COL4A3: variants seen among roughly 807,000 people sequenced by gnomAD.
The protein encoded by COL4A3 is collagen type IV alpha 3 chain.
In COL4A3, 135 loss-of-function variants were observed where a neutral mutation model predicts 217.4. The ratio of observed to expected loss-of-function variants is 0.62; its 90% CI spans 0.54 to 0.72. The LOEUF (loss-of-function observed/expected upper bound fraction) is 0.72. Among genes scored for constraint, COL4A3 ranks in the 30% least tolerant of loss-of-function variants. The pLI, the probability that COL4A3 is intolerant of heterozygous loss-of-function variation, is 0.00. For missense variants in COL4A3, 1,868 were observed against 2,119.9 expected (o/e 0.88, Z 2.33); for synonymous variants, 690 against 736.3 (o/e 0.94, Z 1.02).
intron 15 of COL4A3, 74 bp from the exon 16 acceptor site, chr2:227,255,952 C>A (rs2070139172): frequency 1.4e-6 from 2 of 1,441,488 alleles, no homozygotes; most frequent in Non-Finnish European, 1.9e-6. Flanking sequence ...ATGATCATAT[C>A]ACTTAAGATT....
In COL4A3 at chr2:227,311,912, A is replaced by G; in HGVS notation, c.*42A>G. On this transcript the variant is annotated 3_prime_UTR_variant, in exon 52 of 52. Transcript: ENST00000396578. ...AGAACTGCTATTTTTCATCCTAAAG[A>G]ACAAAGTAATGACAGAACATGCTGT... 6.2e-7 allele frequency: 1 copy of G among 1,611,894 alleles called. No individual in the cohort carries two copies. The highest frequency in any genetic ancestry group is 1.1e-5 in the South Asian group (1 of 90,794).
Position 227,307,805 on chromosome 2 carries a change from C to T in COL4A3, c.4348C>T (p.Arg1450Ter), listed in dbSNP as rs1189607438. ...GACAACGAGAGGCTTTGTCTTCACCCGACACAGTCAAACCACAGCAATTCC... is the reference window on the plus strand; with the variant it reads ...GACAACGAGAGGCTTTGTCTTCACCTGACACAGTCAAACCACAGCAATTCC... ...TWTTRGFVFT[R>*]HSQTTAIPSC... The change falls in exon 48 of 52, where the codon CGA (arginine) becomes TGA (stop). Residue 1450 changes from arginine to a stop codon, truncating the protein, a stop_gained. Transcript: ENST00000396578. LOFTEE classifies it high-confidence loss of function. The T allele has an allele frequency of 5.0e-6, 8 of 1,613,944 alleles. No homozygotes were observed. Among genetic ancestry groups the T allele is most frequent in the Admixed American group, 3.3e-5 (2 of 59,990 alleles).
At chr2:227,298,239 C>CA (rs1480118488) in intron 42 of COL4A3, among the ~76,000 whole-genome samples, 1 of 152,060 alleles carries the variant, frequency 6.6e-6, no homozygotes, top group African/African-American at 2.4e-5. Flanking sequence ...GTAATACCGG[C>CA]AACTCAGGAG....
chr2:227,277,336 A>C (rs1028348557), intron 27 of COL4A3, 113 bp from the exon 28 acceptor site: 28 of 742,114 alleles, frequency 3.8e-5, no homozygotes, highest in Non-Finnish European at 5.7e-5. Context: ...AAAAAAAAAA[A>C]AAAACAATGT....
chr2:227,269,966 C>A lies in COL4A3; in HGVS notation c.1561C>A (p.Leu521Ile). ...CCCAGGGTCCCCAGGAAATACAGGT[C>A]TTCCAGGATTTCCAGTAAGATTTCA... ...GSPGSPGNTG[L>I]PGFPGFPGAQ... Residue 521 changes from leucine (L) to isoleucine (I), a missense_variant, in exon 24 of 52, where the codon CTT becomes ATT. Transcript: ENST00000396578. 2 of 1,613,496 alleles carry A rather than the reference C, an allele frequency of 1.2e-6. No individual in the cohort carries two copies. Among genetic ancestry groups the A allele is most frequent in the Non-Finnish European group, 1.7e-6 (2 of 1,179,530 alleles).
intron 1 of COL4A3, among the ~76,000 whole-genome samples, chr2:227,202,502 T>C (rs1331761400): frequency 6.6e-6 from 1 of 151,026 alleles, no homozygotes; most frequent in Admixed American, 6.6e-5. Flanking sequence ...CCCAGCACTT[T>C]GGGAGGCCGA....
chr2:227,186,752 G>C (rs2066047052), intron 1 of COL4A3, among the ~76,000 whole-genome samples: 2 of 152,002 alleles, frequency 1.3e-5, no homozygotes, highest in Admixed American at 1.3e-4. Flanking sequence ...GAATAGAAAA[G>C]GTTTTTGTCT....
intron 1 of COL4A3, among the ~76,000 whole-genome samples, chr2:227,172,848 A>G (rs2065540896): frequency 6.6e-6 from 1 of 151,974 alleles, no homozygotes; most frequent in African/African-American, 2.4e-5. Flanking sequence ...CTGCCTCCCA[A>G]AGGGCTGGGA....
At chr2:227,277,115 C>A (rs774675586) in intron 27 of COL4A3, among the ~76,000 whole-genome samples, 5 of 151,954 alleles carry the variant, frequency 3.3e-5, no homozygotes, top group African/African-American at 1.2e-4. Flanking sequence ...GTCAGGAGTT[C>A]GAGACCAGTC....
chr2:227,199,885 G>A (rs779066633), intron 1 of COL4A3, among the ~76,000 whole-genome samples: 1 of 152,210 alleles, frequency 6.6e-6, no homozygotes, highest in Non-Finnish European at 1.5e-5. Flanking sequence ...GCCTCCCAAT[G>A]TTAATAGGAA....
At chr2:227,265,325 T>C (rs2070824011) in intron 21 of COL4A3, 1 of 152,226 alleles carries the variant, frequency 6.6e-6, no homozygotes, top group African/African-American at 2.4e-5. Context: ...CACAAGATGG[T>C]CATTCTGTGT....
intron 1 of COL4A3, among the ~76,000 whole-genome samples, chr2:227,178,208 C>A (rs2065749539): frequency 6.6e-6 from 1 of 151,966 alleles, no homozygotes. Context: ...TACAATGTGA[C>A]CTCTCTCTAC....
In COL4A3 at chr2:227,310,835, G is replaced by A; in HGVS notation, c.4815G>A (p.Leu1605=). 1 of 1,614,180 alleles carries A rather than the reference G, an allele frequency of 6.2e-7. No individual in the cohort carries two copies. The highest frequency in any genetic ancestry group is 8.5e-7 in the Non-Finnish European group (1 of 1,180,022). ...GQALASPGSC[L]EEFRASPFLE... ...CACTGGCCTCCCCTGGCTCCTGCCTGGAAGAATTCCGAGCCAGCCCATTTC... is the reference window on the plus strand; with the variant it reads ...CACTGGCCTCCCCTGGCTCCTGCCTAGAAGAATTCCGAGCCAGCCCATTTC... Residue 1605 remains leucine (L), a synonymous_variant, in exon 51 of 52, where the codon CTG becomes CTA. Transcript: ENST00000396578.
At position 227,277,527 on chromosome 2, in the gene COL4A3, G is replaced by T. The variant is rs1331805495; in HGVS notation, c.2099G>T (p.Gly700Val). 1.2e-6 allele frequency: 2 copies of T among 1,611,560 alleles called. No homozygotes were observed. The highest frequency in any genetic ancestry group is 1.7e-6 in the Non-Finnish European group (2 of 1,178,946). The change falls in exon 28 of 52, where the codon GGA becomes GTA. Residue 700 changes from glycine (G) to valine (V), a missense_variant. Transcript: ENST00000396578. ...PDGEPGIPGI[G>V]FPGPPGPKGD... Reference sequence around the variant, plus strand: ...GGTGAACCAGGAATTCCAGGAATTGGATTTCCTGGGCCTCCTGGACCTAAG... The same window carrying T: ...GGTGAACCAGGAATTCCAGGAATTGTATTTCCTGGGCCTCCTGGACCTAAG...
intron 1 of COL4A3, among the ~76,000 whole-genome samples, chr2:227,174,598 C>T (rs2065608557): frequency 6.6e-6 from 1 of 152,092 alleles, no homozygotes; most frequent in Admixed American, 6.5e-5. Flanking sequence ...GCTCCACCTC[C>T]CAGGTTCAAG....
chr2:227,291,562 CAAAAAAAAAAAAAAAAACA>C (rs199615468), intron 37 of COL4A3, among the ~76,000 whole-genome samples: 10 of 34,406 alleles, frequency 2.9e-4, no homozygotes, highest in South Asian at 1.9e-3. Context: ...GACTCCGTCT[CAAAAAAAAAAAAAAAAACA>C]AAAAAAAAAA....
intron 30 of COL4A3, 89 bp from the exon 31 acceptor site, chr2:227,280,804 A>G (rs566546461): frequency 7.1e-6 from 8 of 1,118,948 alleles, no homozygotes; most frequent in African/African-American, 4.6e-5. Context: ...ATTTAGGTGG[A>G]AAAAAAGTTA....
intron 36 of COL4A3, 30 bp downstream of exon 36, chr2:227,290,118 C>T (rs1203828353): frequency 1.3e-6 from 2 of 1,579,820 alleles, no homozygotes; most frequent in Non-Finnish European, 1.7e-6. Context: ...TATGAGCCCA[C>T]AAGCTCATGA....
At chr2:227,307,638 A>T in intron 47 of COL4A3, 72 bp from the exon 48 acceptor site, 2 of 1,214,066 alleles carry the variant, frequency 1.6e-6, no homozygotes, top group Non-Finnish European at 2.4e-6. Context: ...AAATATATTT[A>T]AATTAGTACT....
Sources: gnomAD v4.1 joint callset for allele counts (sites outside exome capture counted in the v4.1 genomes callset) on GRCh38, gnomAD v4.1.1 for gene constraint, MANE v1.5 for transcripts, NCBI Gene and HGNC (gene_info 2026-07-23, HGNC 2026-07-21) for gene names.